The following IBSP variants were observed in gnomAD, a reference collection of about 807,000 sequenced individuals.
IBSP encodes the protein integrin binding sialoprotein, also known as integrin-binding sialoprotein.
A neutral mutation model predicts 25.5 loss-of-function variants in IBSP; 19 were observed. That is an observed-to-expected ratio of 0.74 (90% CI 0.52 to 1.09). IBSP has a LOEUF of 1.09. Among genes scored for constraint, IBSP ranks in the 50% least tolerant of loss-of-function variants. The pLI is 0.00. For synonymous variants in IBSP, 144 were observed against 137.6 expected (o/e 1.05, Z -0.33); for missense variants, 360 against 382.3 (o/e 0.94, Z 0.49).
rs902114584 is a variant in IBSP at position 87,806,015 on chromosome 4, A to C, written c.184-107A>C. The C allele has an allele frequency of 5.9e-6, 5 of 844,252 alleles. No homozygotes were observed. The African/African-American group carries it at 8.7e-5, about 15-fold the overall frequency. The allele number at this position is 844,252 out of a possible 1,614,324, so 52.3% of individuals were successfully genotyped here. ...ATGGTAATACTAATTAGATTGAGTA[A>C]ATATTTGTGTGTATTTTATTGTGAT... On this transcript the variant is annotated intron_variant, in intron 4 of 6. Transcript: ENST00000226284.
chr4:87,801,795 C>G (rs1578042120), intron 1 of IBSP, among the ~76,000 whole-genome samples: 2 of 152,184 alleles, frequency 1.3e-5, no homozygotes, highest in East Asian at 3.9e-4. Context: ...CACCACCATG[C>G]CAAGCTAATT....
rs755217714 is a variant in IBSP, at chr4:87,810,776, A to C, written c.405+12A>C. 2 of 1,598,606 alleles carry C rather than the reference A, an allele frequency of 1.3e-6. No homozygotes were observed. The highest frequency in any genetic ancestry group is 1.7e-6 in the Non-Finnish European group (2 of 1,173,364). On this transcript the variant is annotated intron_variant, in intron 6 of 6. Coordinates refer to ENST00000226284, the MANE Select transcript of IBSP (RefSeq NM_004967.4). ...AGCTTCCCAAGAAGGTAACAATGGA[A>C]TTATTCCTCCAAAATGAAATTATTA... is the stretch of plus-strand genomic sequence containing the variant.
Position 87,811,967 on chromosome 4 carries a change from G to C in IBSP, c.*57G>C, listed in dbSNP as rs1722185792. 4 of 1,368,964 alleles carry C rather than the reference G, an allele frequency of 2.9e-6. No individual in the cohort carries two copies. In the East Asian group the frequency reaches 7.0e-5, roughly 24 times the overall value. The allele number at this position is 1,368,964 out of a possible 1,614,324, so 84.8% of individuals were successfully genotyped here. A position where few individuals can be genotyped will look rare whatever the true frequency, so the allele number is the denominator to read the frequency against. The stretch of plus-strand genomic sequence containing the variant: ...GGCTTTGCATCCGGCTACCATTTTC[G>C]AAGTTCAACTCAGGAAGGTGCAATA... On this transcript the variant is annotated 3_prime_UTR_variant, in exon 7 of 7. Transcript: ENST00000226284.
intron 1 of IBSP, among the ~76,000 whole-genome samples, chr4:87,801,508 ACACACACG>A (rs1457436718): frequency 8.0e-5 from 7 of 87,756 alleles, no homozygotes; most frequent in Non-Finnish European, 1.6e-4. Flanking sequence ...ACACACACAC[ACACACACG>A]CATATACACA....
intron 4 of IBSP, among the ~76,000 whole-genome samples, chr4:87,804,281 A>ACC (rs1404414231): frequency 6.6e-6 from 1 of 152,116 alleles, no homozygotes; most frequent in Non-Finnish European, 1.5e-5. Flanking sequence ...CCATGTTGTC[A>ACC]CCCCAAAACA....
At chr4:87,802,941 C>T (rs1363711074) in intron 4 of IBSP, among the ~76,000 whole-genome samples, 2 of 152,124 alleles carry the variant, frequency 1.3e-5, no homozygotes, top group South Asian at 2.1e-4. Context: ...TCATTTGGAT[C>T]ATTTGGGTAC....
chr4:87,805,197 AG>A (rs1213589266), intron 4 of IBSP, among the ~76,000 whole-genome samples: 1 of 152,230 alleles, frequency 6.6e-6, no homozygotes, highest in Non-Finnish European at 1.5e-5. Context: ...ATCCTTCTGC[AG>A]CTATATTTTC....
At chr4:87,802,184 GAAGGAATAATTTGAAAATAA>G (rs1722027043) in intron 1 of IBSP, among the ~76,000 whole-genome samples, 144 bp from the exon 2 acceptor site, 1 of 152,164 alleles carries the variant, frequency 6.6e-6, no homozygotes, top group Non-Finnish European at 1.5e-5. Flanking sequence ...TACTTAAATG[GAAGGAATAATTTGAAAATAA>G]AAGGAATAAT....
Position 87,810,765 on chromosome 4 carries a change from G to T in IBSP, c.405+1G>T, listed in dbSNP as rs1722159926. The stretch of plus-strand genomic sequence containing the variant: ...AGCTGCAATCCAGCTTCCCAAGAAG[G>T]TAACAATGGAATTATTCCTCCAAAA... On this transcript the variant is annotated splice_donor_variant, in intron 6 of 6. Coordinates refer to ENST00000226284, the MANE Select transcript of IBSP (RefSeq NM_004967.4). LOFTEE classifies it high-confidence loss of function. 6.2e-7 allele frequency: 1 copy of T among 1,605,430 alleles called. No homozygotes were observed. The highest frequency in any genetic ancestry group is 8.5e-7 in the Non-Finnish European group (1 of 1,176,736).
In IBSP at chr4:87,807,634, A is replaced by C. The variant is rs548256569; in HGVS notation, c.246+1450A>C. 2.7e-3 allele frequency among the ~76,000 whole-genome samples: 407 copies of C among 152,300 alleles called. 1 individual carries two copies. The highest frequency in any genetic ancestry group is 4.3e-3 in the Non-Finnish European group (290 of 68,034). On this transcript the variant is annotated intron_variant, in intron 5 of 6. Coordinates refer to ENST00000226284, the MANE Select transcript of IBSP (RefSeq NM_004967.4). ...CTACATTTCCCAACTAGATTGCATAACTTTTGGGAGTGGCTCTTCGTTTGT... is the reference window on the plus strand; with the variant it reads ...CTACATTTCCCAACTAGATTGCATACCTTTTGGGAGTGGCTCTTCGTTTGT...
At chr4:87,801,612 A>G (rs1722018256) in intron 1 of IBSP, among the ~76,000 whole-genome samples, 1 of 151,984 alleles carries the variant, frequency 6.6e-6, no homozygotes, top group Non-Finnish European at 1.5e-5. Context: ...CCCAAAACCT[A>G]TATAGAAGCT....
intron 4 of IBSP, among the ~76,000 whole-genome samples, chr4:87,804,982 G>C (rs973505184): frequency 6.6e-6 from 1 of 152,314 alleles, no homozygotes. Flanking sequence ...GCTAGGGAAG[G>C]CACAACCATT....
rs1722035786 is a variant in IBSP at position 87,802,550 on chromosome 4, GA to G, written c.101del (p.Asn34MetfsTer22). 1.2e-6 allele frequency: 2 copies of G among 1,605,196 alleles called. No individual in the cohort carries two copies. The highest frequency in any genetic ancestry group is 1.1e-5 in the South Asian group (1 of 88,846). Reference sequence around the variant, plus strand: ...AAGAGTCAAAATAGAGGATTCTGAAGAAAATGGGGTAATTAATTTTAGCATA... The same window carrying G: ...AAGAGTCAAAATAGAGGATTCTGAAGAAATGGGGTAATTAATTTTAGCATA... ...HRRVKIEDSEENGVFKYRPRY... is the reference protein window; with the variant it reads ...HRRVKIEDSEXNGVFKYRPRY... On this transcript the variant is annotated frameshift_variant, in exon 3 of 7. Transcript: ENST00000226284. LOFTEE classifies it high-confidence loss of function.
Position 87,806,115 on chromosome 4 carries a change from T to C in IBSP, c.184-7T>C. ...AAGAGTATACATACATGTGTATATATTTTTAGGGCAGTAGTGACTCATCCG... is the reference window on the plus strand; with the variant it reads ...AAGAGTATACATACATGTGTATATACTTTTAGGGCAGTAGTGACTCATCCG... On this transcript the variant is annotated splice_polypyrimidine_tract_variant and splice_region_variant and intron_variant, in intron 4 of 6. Coordinates refer to ENST00000226284, the MANE Select transcript of IBSP (RefSeq NM_004967.4). 1 of 1,605,740 alleles carries C rather than the reference T, an allele frequency of 6.2e-7. No individual in the cohort carries two copies. The highest frequency in any genetic ancestry group is 8.5e-7 in the Non-Finnish European group (1 of 1,174,192).
intron 4 of IBSP, among the ~76,000 whole-genome samples, chr4:87,804,167 T>C: frequency 6.6e-6 from 1 of 152,320 alleles, no homozygotes; most frequent in East Asian, 1.9e-4. Flanking sequence ...TAAAATTATA[T>C]ACAATATATC....
chr4:87,802,300 G>A (rs1476830471), intron 1 of IBSP, 48 bp from the exon 2 acceptor site: 6 of 1,149,992 alleles, frequency 5.2e-6, no homozygotes, highest in Non-Finnish European at 7.6e-6. Context: ...AAAAAGTTAT[G>A]CTCTTAGTTT....
At chr4:87,804,420 C>T (rs191757423) in intron 4 of IBSP, among the ~76,000 whole-genome samples, 1 of 152,252 alleles carries the variant, frequency 6.6e-6, no homozygotes, top group Admixed American at 6.5e-5. Context: ...AGCAAGCTAT[C>T]TATTGTGGCT....
intron 1 of IBSP, among the ~76,000 whole-genome samples, chr4:87,800,725 C>T (rs1350160625): frequency 1.3e-5 from 2 of 152,162 alleles, no homozygotes; most frequent in East Asian, 1.9e-4. Context: ...GGACCCAAGA[C>T]AGTATCTCCA....
rs2110059006 is a variant in IBSP, at chr4:87,812,000, T to C, written c.*90T>C. The C allele has an allele frequency of 1.0e-6, 1 of 998,936 alleles. No homozygotes were observed. Among genetic ancestry groups the C allele is most frequent in the Non-Finnish European group, 1.5e-6 (1 of 679,298 alleles). 61.9% of individuals were successfully genotyped at this position (998,936 alleles called of 1,614,324 possible). ...ACTCAGGAAGGTGCAATATAACAAA[T>C]GTGCATATTATAATGAGGAATGGTA... On this transcript the variant is annotated 3_prime_UTR_variant, in exon 7 of 7. Transcript: ENST00000226284.
Sources: gnomAD v4.1 joint callset for allele counts (sites outside exome capture counted in the v4.1 genomes callset) on GRCh38, gnomAD v4.1.1 for gene constraint, MANE v1.5 for transcripts, NCBI Gene and HGNC (gene_info 2026-07-23, HGNC 2026-07-21) for gene names.